The following PSD3 variants were observed in gnomAD, a reference collection of about 807,000 sequenced individuals.
PSD3 encodes pleckstrin and Sec7 domain containing 3.
In PSD3, 49 loss-of-function variants were observed where a neutral mutation model predicts 105.5. The observed-to-expected ratio is 0.46, with a 90% CI of 0.37 to 0.59. The LOEUF is 0.59. Among genes scored for constraint, PSD3 ranks in the 20% least tolerant of loss-of-function variants. The pLI is 0.00. For missense variants in PSD3, 1,561 were observed against 1,263.8 expected, an observed-to-expected ratio of 1.24 and a Z score of -3.57; for synonymous variants, 557 against 457.8, an observed-to-expected ratio of 1.22 and a Z score of -2.77.
intron 12 of PSD3, among the ~76,000 whole-genome samples, chr8:18,597,053 T>C (rs1804157587): frequency 6.6e-6 from 1 of 152,114 alleles, no homozygotes; most frequent in Admixed American, 6.6e-5. Flanking sequence ...TGAGCATAAA[T>C]GCAAAAACTC....
chr8:18,789,429 T>C (rs1417021841), intron 8 of PSD3, among the ~76,000 whole-genome samples: 1 of 152,220 alleles, frequency 6.6e-6, no homozygotes, highest in Non-Finnish European at 1.5e-5. Context: ...GTATGACTAT[T>C]ATTCATAAAT....
intron 12 of PSD3, among the ~76,000 whole-genome samples, chr8:18,594,282 TA>T (rs1803891478): frequency 6.4e-5 from 1 of 15,740 alleles, no homozygotes; most frequent in Non-Finnish European, 1.4e-4. Flanking sequence ...ATATATTATA[TA>T]ATATATATTA....
intron 9 of PSD3, among the ~76,000 whole-genome samples, chr8:18,710,509 T>C (rs1008535759): frequency 3.3e-5 from 5 of 151,794 alleles, no homozygotes; most frequent in Non-Finnish European, 7.4e-5. Flanking sequence ...AGTAAGATAC[T>C]CCATGAGAAG....
chr8:18,573,467 T>A (rs544321404), intron 13 of PSD3, among the ~76,000 whole-genome samples: 3 of 152,136 alleles, frequency 2.0e-5, no homozygotes, highest in Admixed American at 1.3e-4. Context: ...TGAGACTCCA[T>A]CTCAAAAGAA....
chr8:18,874,729 G>C (rs897075297), intron 2 of PSD3, among the ~76,000 whole-genome samples: 1 of 140,164 alleles, frequency 7.1e-6, no homozygotes, highest in Non-Finnish European at 1.5e-5. Flanking sequence ...AAAAAAATTT[G>C]ATTTCCAAGG....
At chr8:18,642,635 T>G (rs1239184976) in intron 10 of PSD3, among the ~76,000 whole-genome samples, 1 of 152,182 alleles carries the variant, frequency 6.6e-6, no homozygotes, top group Non-Finnish European at 1.5e-5. Flanking sequence ...CATAATCACA[T>G]TCCATCTGCT....
chr8:19,048,856 A>G (rs185089544), intron 1 of PSD3, among the ~76,000 whole-genome samples: 157 of 152,344 alleles, frequency 1.0e-3, no homozygotes, highest in Non-Finnish European at 1.8e-3. Flanking sequence ...CTTAAGCAAC[A>G]GAAGTTGATT....
chr8:18,542,052 C>A (rs1453569966), intron 15 of PSD3, among the ~76,000 whole-genome samples: 1 of 152,070 alleles, frequency 6.6e-6, no homozygotes, highest in African/African-American at 2.4e-5. Flanking sequence ...CTCATTCGGC[C>A]CTGAGAATCT....
chr8:19,044,384 G>C (rs1828241193), intron 1 of PSD3, among the ~76,000 whole-genome samples: 1 of 152,106 alleles, frequency 6.6e-6, no homozygotes, highest in African/African-American at 2.4e-5. Context: ...CTGAGCTTTG[G>C]AGCGTCAGAT....
At chr8:19,017,502 C>T (rs1263250223), upstream of PSD3, among the ~76,000 whole-genome samples, 2 of 152,210 alleles carry the variant, frequency 1.3e-5, no homozygotes, top group East Asian at 3.9e-4. Flanking sequence ...CCACAGTCAA[C>T]TCTGGAAACT....
At chr8:19,014,749 G>A (rs1186592029), upstream of PSD3, among the ~76,000 whole-genome samples, 1 of 152,184 alleles carries the variant, frequency 6.6e-6, no homozygotes, top group Non-Finnish European at 1.5e-5. This position sits in a 1 kb window ranked among gnomAD's most constrained non-coding sequence, Gnocchi z 4.9. Context: ...GTTCCCTGGT[G>A]GCCCCACGAT....
chr8:18,922,780 C>T (rs77868972), intron 2 of PSD3, among the ~76,000 whole-genome samples: 3,263 of 152,224 alleles, frequency 0.021, 51 homozygotes, highest in Non-Finnish European at 0.028. Flanking sequence ...GCTCACAGAA[C>T]ACAGGGAACC....
chr8:18,702,858 C>T (rs951665179), intron 9 of PSD3, among the ~76,000 whole-genome samples: 4 of 151,898 alleles, frequency 2.6e-5, no homozygotes, highest in East Asian at 1.9e-4. Flanking sequence ...ATGATCCGCC[C>T]GCCTCAGCCT....
At chr8:18,592,234 A>G (rs1377774380) in intron 12 of PSD3, among the ~76,000 whole-genome samples, 1 of 152,180 alleles carries the variant, frequency 6.6e-6, no homozygotes, top group Non-Finnish European at 1.5e-5. Flanking sequence ...GAATATAGTA[A>G]CTGAAATGAA....
chr8:18,537,046 A>G (rs1402945515), intron 15 of PSD3, among the ~76,000 whole-genome samples: 1 of 152,190 alleles, frequency 6.6e-6, no homozygotes, highest in African/African-American at 2.4e-5. Context: ...GTCAGTTTTA[A>G]GTTAGTAATT....
chr8:18,908,518 C>T (rs890385858), intron 2 of PSD3, among the ~76,000 whole-genome samples: 6 of 152,196 alleles, frequency 3.9e-5, no homozygotes, highest in African/African-American at 7.2e-5. Context: ...TTACCCCTTT[C>T]ACCCTGCACT....
At chr8:18,826,486 A>C (rs192952045) in intron 4 of PSD3, among the ~76,000 whole-genome samples, 33 of 152,306 alleles carry the variant, frequency 2.2e-4, no homozygotes, top group African/African-American at 7.2e-4. Flanking sequence ...AGCACATCTT[A>C]TTACTTTATT....
At position 18,972,478 on chromosome 8, in the gene PSD3, G is replaced by T. The variant is rs1265148635; in HGVS notation, c.22-36336C>A. On this transcript the variant is annotated intron_variant, in intron 1 of 15. Transcript: ENST00000327040. The stretch of plus-strand genomic sequence containing the variant: ...GAACATTTGAAGGAATCCAACCCCG[G>T]AACAAGTTTCACAACAAAACAGTAC... Among the ~76,000 whole-genome samples, 2 of 152,154 alleles carry T rather than the reference G, an allele frequency of 1.3e-5. 1 individual carries two copies. Among genetic ancestry groups the T allele is most frequent in the Non-Finnish European group, 2.9e-5 (2 of 68,030 alleles).
chr8:19,058,604 G>A (rs1039221034), intron 1 of PSD3, among the ~76,000 whole-genome samples: 3 of 151,874 alleles, frequency 2.0e-5, no homozygotes, highest in Non-Finnish European at 4.4e-5. Flanking sequence ...AAAAAGTGTT[G>A]TCTACCCTAC....
Sources: gnomAD v4.1 joint callset for allele counts (sites outside exome capture counted in the v4.1 genomes callset) on GRCh38, gnomAD v4.1.1 for gene constraint, Gnocchi (gnomAD v3.1) non-coding constraint, MANE v1.5 for transcripts, NCBI Gene and HGNC (gene_info 2026-07-23, HGNC 2026-07-21) for gene names.